Variants in MTMR14 observed in about 807,000 individuals in gnomAD.
MTMR14 encodes the protein phosphatidylinositol-3,5-bisphosphate 3-phosphatase MTMR14.
A neutral mutation model predicts 86.3 loss-of-function variants in MTMR14; 48 were observed. The observed-to-expected ratio is 0.56, with a 90% CI of 0.44 to 0.71. The LOEUF (loss-of-function observed/expected upper bound fraction) is 0.71, where lower values mean the gene tolerates loss of function less well. Among genes scored for constraint, MTMR14 ranks in the 30% least tolerant of loss-of-function variants. The pLI is 0.00. For synonymous variants in MTMR14, 366 were observed against 326.1 expected (o/e 1.12, Z -1.32); for missense variants, 780 against 834.6 (o/e 0.93, Z 0.81).
intron 6 of MTMR14, 116 bp downstream of exon 6, chr3:9,671,286 C>A: frequency 7.2e-7 from 1 of 1,395,118 alleles, no homozygotes; most frequent in Non-Finnish European, 1.0e-6. Flanking sequence ...GCTTTCTGTA[C>A]ATTATCTCAC....
At chr3:9,651,488 A>G (rs1215379414) in intron 1 of MTMR14, among the ~76,000 whole-genome samples, 1 of 152,216 alleles carries the variant, frequency 6.6e-6, no homozygotes, top group Non-Finnish European at 1.5e-5. Context: ...TAGGGTTAGC[A>G]TAAGTTACAC....
chr3:9,693,401 A>T (rs7615134), intron 17 of MTMR14, among the ~76,000 whole-genome samples: 2 of 152,082 alleles, frequency 1.3e-5, no homozygotes, highest in African/African-American at 4.8e-5. Context: ...TGTCCCCTAC[A>T]CATGCAGTTG....
At chr3:9,663,199 G>A (rs1400549574) in intron 3 of MTMR14, among the ~76,000 whole-genome samples, 1 of 152,096 alleles carries the variant, frequency 6.6e-6, no homozygotes, top group East Asian at 1.9e-4. Context: ...GGGGAAGGGA[G>A]CGGAATTCAG....
intron 2 of MTMR14, among the ~76,000 whole-genome samples, chr3:9,657,272 G>C (rs184327416): frequency 6.6e-6 from 1 of 152,274 alleles, no homozygotes; most frequent in Admixed American, 6.5e-5. Flanking sequence ...ACAATGCAGA[G>C]ATTCAGAAGA....
chr3:9,659,803 A>G, intron 2 of MTMR14: 2 of 456,780 alleles, frequency 4.4e-6, no homozygotes, highest in Non-Finnish European at 8.8e-6. Flanking sequence ...CGACCTAACA[A>G]GAAAAGGTGG....
Position 9,701,278 on chromosome 3 carries a change from G to C in MTMR14, c.1770-512G>C, listed in dbSNP as rs1201809280. 1 of 183,578 alleles carries C rather than the reference G, an allele frequency of 5.4e-6. No homozygotes were observed. Among genetic ancestry groups the C allele is most frequent in the Non-Finnish European group, 1.2e-5 (1 of 86,454 alleles). The allele number at this position is 183,578 out of a possible 1,614,324, so 11.4% of individuals were successfully genotyped here. ...AGATAGTTATTTTCACAACAGGTCA[G>C]GTCAGGCCAGGCACAGTTGCTCACG... On this transcript the variant is annotated intron_variant, in intron 18 of 18. Coordinates refer to ENST00000296003, the MANE Select transcript of MTMR14 (RefSeq NM_001077525.3). The surrounding 1 kb of genome is among the most constrained non-coding windows in gnomAD (Gnocchi z 4.2).
intron 2 of MTMR14, chr3:9,659,738 G>A (rs1206121913): frequency 2.2e-6 from 1 of 456,324 alleles, no homozygotes; most frequent in South Asian, 1.5e-5. Flanking sequence ...CACTGTGCCT[G>A]GCCAGAAACT....
In MTMR14 at chr3:9,701,901, T is replaced by C; in HGVS notation, c.1881T>C (p.Gly627=). The part of the protein sequence containing the change: ...GLRAVAPSPS[G]AIGGLLEQFA... ...GGGCAGTAGCCCCCAGTCCTTCCGG[T>C]GCCATCGGGGGCCTGCTGGAGCAAT... The change falls in exon 19 of 19, where the codon GGT becomes GGC. Residue 627 remains glycine, a synonymous_variant. Transcript: ENST00000296003. The surrounding 1 kb of genome is among the most constrained non-coding windows in gnomAD (Gnocchi z 4.2). 6.2e-7 allele frequency: 1 copy of C among 1,614,170 alleles called. No homozygotes were observed. The highest frequency in any genetic ancestry group is 8.5e-7 in the Non-Finnish European group (1 of 1,180,032).
At chr3:9,691,210 T>C (rs2076129151) in intron 17 of MTMR14, among the ~76,000 whole-genome samples, 1 of 152,152 alleles carries the variant, frequency 6.6e-6, no homozygotes, top group Admixed American at 6.5e-5. Flanking sequence ...ACTCTTCAGC[T>C]CAGAACACTG....
At chr3:9,673,535 T>G (rs2048686765) in intron 7 of MTMR14, among the ~76,000 whole-genome samples, 1 of 152,206 alleles carries the variant, frequency 6.6e-6, no homozygotes, top group African/African-American at 2.4e-5. Context: ...ATACTCTTTC[T>G]CCTTAAAACC....
At chr3:9,700,351 G>C (rs2076414269) in intron 18 of MTMR14, 1 of 152,202 alleles carries the variant, frequency 6.6e-6, no homozygotes, top group Non-Finnish European at 1.5e-5. Flanking sequence ...ATGTAAGTCT[G>C]TGACCCCTAG....
chr3:9,666,128 T>C (rs1446917143), intron 3 of MTMR14, among the ~76,000 whole-genome samples: 1 of 149,384 alleles, frequency 6.7e-6, no homozygotes, highest in African/African-American at 2.5e-5. Flanking sequence ...GCCCAAAGTT[T>C]GTTGGTTTTT....
intron 1 of MTMR14, among the ~76,000 whole-genome samples, chr3:9,651,380 G>T (rs745493298): frequency 1.3e-5 from 2 of 152,172 alleles, no homozygotes; most frequent in Non-Finnish European, 2.9e-5. Context: ...TGGGATTACA[G>T]GCGTGAGCCG....
intron 7 of MTMR14, chr3:9,675,404 G>C (rs540949608): frequency 7.2e-6 from 2 of 277,648 alleles, no homozygotes; most frequent in East Asian, 8.5e-5. Flanking sequence ...GCTGCACTTT[G>C]ATGCTATTTA....
At chr3:9,651,822 T>C (rs1248862537) in intron 1 of MTMR14, among the ~76,000 whole-genome samples, 2 of 151,090 alleles carry the variant, frequency 1.3e-5, no homozygotes, top group African/African-American at 2.4e-5. Flanking sequence ...TGCACCATCA[T>C]GCCTGGCTAA....
intron 17 of MTMR14, among the ~76,000 whole-genome samples, chr3:9,690,673 C>T (rs144538487): frequency 1.2e-3 from 190 of 152,330 alleles, no homozygotes; most frequent in Non-Finnish European, 2.2e-3. Flanking sequence ...GGAATGGTGC[C>T]TCCTGGGTGA....
intron 2 of MTMR14, among the ~76,000 whole-genome samples, chr3:9,654,833 G>C (rs1399761494): frequency 6.6e-6 from 1 of 152,214 alleles, no homozygotes; most frequent in Admixed American, 6.5e-5. Context: ...GGGTGTCCAG[G>C]TGATTCGAAT....
chr3:9,697,975 GCCT>G, intron 18 of MTMR14, 109 bp downstream of exon 18: 1 of 1,470,624 alleles, frequency 6.8e-7, no homozygotes, highest in Middle Eastern at 1.9e-4. Context: ...AGCTGGCCTG[GCCT>G]CCTGCCCTCC....
chr3:9,650,647 C>T lies in MTMR14; in HGVS notation c.159+905C>T, dbSNP rs75900173. On this transcript the variant is annotated intron_variant, in intron 1 of 18. Coordinates refer to ENST00000296003, the MANE Select transcript of MTMR14 (RefSeq NM_001077525.3). ...GCCAAGTAATTTTTCCAAGTATAGT[C>T]TGGGGACCACCTGTTTAATGATCAT... The T allele has an allele frequency of 5.6e-3, 1,368 of 245,790 alleles. 13 individuals carry two copies. Among genetic ancestry groups the T allele is most frequent in the African/African-American group, 0.028 (1,247 of 45,116 alleles). 15.2% of individuals were successfully genotyped at this position (245,790 alleles called of 1,614,324 possible).
Sources: allele counts gnomAD v4.1 joint callset (sites outside exome capture counted in the v4.1 genomes callset), GRCh38; gene constraint gnomAD v4.1.1; non-coding constraint Gnocchi (gnomAD v3.1); transcripts MANE v1.5; gene names NCBI Gene and HGNC (gene_info 2026-07-23, HGNC 2026-07-21).